The following UGT1A6 variants were observed in gnomAD, a reference collection of about 807,000 sequenced individuals.
The protein encoded by UGT1A6 is UDP glucuronosyltransferase family 1 member A6.
A neutral mutation model predicts 44.4 loss-of-function variants in UGT1A6; 32 were observed. The observed-to-expected ratio is 0.72, with a 90% CI of 0.54 to 0.97. The LOEUF (loss-of-function observed/expected upper bound fraction) is 0.97. UGT1A6 is among the 50% of genes least tolerant of loss of function. UGT1A6 has a pLI of 0.00. For missense variants in UGT1A6, 685 were observed against 661.9 expected (o/e 1.03, Z -0.38); for synonymous variants, 238 against 248.5 (o/e 0.96, Z 0.40).
chr2:233,772,356 A>C lies in UGT1A6; in HGVS notation c.1396A>C (p.Arg466=), dbSNP rs1468738748. 6.2e-7 allele frequency: 1 copy of C among 1,614,222 alleles called. No homozygotes were observed. Among genetic ancestry groups the C allele is most frequent in the Non-Finnish European group, 8.5e-7 (1 of 1,180,034 alleles). The change falls in exon 5 of 5, where the codon AGG becomes CGG. Residue 466 remains arginine, a synonymous_variant. Transcript: ENST00000305139. ...LAVFWVEFVM[R]HKGAPHLRPA... is the part of the protein sequence containing the mutation. ...CGTGTTCTGGGTGGAGTTTGTGATGAGGCACAAGGGCGCGCCACACCTGCG... is the reference window on the plus strand; with the variant it reads ...CGTGTTCTGGGTGGAGTTTGTGATGCGGCACAAGGGCGCGCCACACCTGCG...
intron 1 of UGT1A6, chr2:233,718,041 G>A (rs2076623954): frequency 2.7e-6 from 1 of 376,114 alleles, no homozygotes; most frequent in African/African-American, 2.1e-5. Flanking sequence ...TGGTGAGCAG[G>A]AGCTCCCTGA....
intron 1 of UGT1A6, among the ~76,000 whole-genome samples, chr2:233,736,928 C>T (rs1427688264): frequency 1.3e-5 from 2 of 152,158 alleles, no homozygotes; most frequent in African/African-American, 4.8e-5. Context: ...CAGAGGCGCA[C>T]CCACCTATAT....
chr2:233,693,272 C>T lies in UGT1A6; in HGVS notation c.268C>T (p.Arg90Cys), dbSNP rs770139285. ...GTATGACCAAGAAGAGCTGAAGAAC[C>T]GTTACCAATCATTTGGAAACAATCA... ...VPYDQEELKN[R>C]YQSFGNNHFA... Residue 90 changes from arginine (R) to cysteine (C), a missense_variant, in exon 1 of 5, where the codon CGT (arginine) becomes TGT (cysteine). By Grantham distance (180) the Arg-to-Cys change is radical. Transcript: ENST00000305139. The T allele has an allele frequency of 1.1e-4, 170 of 1,614,052 alleles. No individual in the cohort carries two copies. The South Asian group carries it at 1.7e-3, about 16-fold the overall frequency.
At chr2:233,729,397 C>T (rs762751427) in intron 1 of UGT1A6, 64 of 1,613,538 alleles carry the variant, frequency 4.0e-5, no homozygotes, top group Non-Finnish European at 4.6e-5. Flanking sequence ...TGAATTTGAT[C>T]GCCATGTGCT....
chr2:233,713,311 T>G, intron 1 of UGT1A6: 1 of 1,614,252 alleles, frequency 6.2e-7, no homozygotes, highest in East Asian at 2.2e-5. Flanking sequence ...GAACATCTTC[T>G]GATGAAATTT....
intron 1 of UGT1A6, chr2:233,743,985 A>C (rs1333314866): frequency 3.1e-6 from 4 of 1,283,108 alleles, no homozygotes; most frequent in Non-Finnish European, 4.1e-6. Flanking sequence ...ACCCAGGCGC[A>C]GGCCCGAGTG....
In UGT1A6 at chr2:233,764,214, G is replaced by A. The variant is rs17864706; in HGVS notation, c.862-2820G>A. On this transcript the variant is annotated intron_variant, in intron 1 of 4. Transcript: ENST00000305139. ...GGGGCATCTCATCTTTTCTTTGAAG[G>A]GAATCAATGGTGGGGGATTGGAGTG... 2.6e-3 allele frequency among the ~76,000 whole-genome samples: 394 copies of A among 152,268 alleles called. 1 individual carries two copies. Among genetic ancestry groups the A allele is most frequent in the Non-Finnish European group, 3.9e-3 (266 of 68,024 alleles).
Position 233,693,528 on chromosome 2 carries a change from C to T in UGT1A6, c.524C>T (p.Pro175Leu), listed in dbSNP as rs116011063. The T allele has an allele frequency of 2.2e-5, 36 of 1,614,040 alleles. No individual in the cohort carries two copies. Among genetic ancestry groups the T allele is most frequent in the Non-Finnish European group, 2.7e-5 (32 of 1,180,032 alleles). ...TCTGTGTACCTCTTCAGGGGTTTTC[C>T]GTGTTCCCTGGAGCATACATTCAGC... ...LPSVYLFRGF[P>L]CSLEHTFSRS... The change falls in exon 1 of 5, where the codon CCG (proline) becomes CTG (leucine). Residue 175 changes from proline (P) to leucine (L), a missense_variant. Pro to Leu is a moderately conservative substitution (Grantham distance 98). Transcript: ENST00000305139.
At chr2:233,709,289 A>G (rs2076069950) in intron 1 of UGT1A6, among the ~76,000 whole-genome samples, 1 of 152,138 alleles carries the variant, frequency 6.6e-6, no homozygotes, top group African/African-American at 2.4e-5. Context: ...CCCTTCAATT[A>G]ATGATATTTT....
chr2:233,697,502 CTT>C (rs1212901051), intron 1 of UGT1A6, among the ~76,000 whole-genome samples: 2 of 142,302 alleles, frequency 1.4e-5, no homozygotes, highest in Non-Finnish European at 3.1e-5. Flanking sequence ...TTTTGTTTAT[CTT>C]TTTTTTTTTT....
intron 1 of UGT1A6, among the ~76,000 whole-genome samples, chr2:233,700,363 T>G (rs1575468060): frequency 6.6e-6 from 1 of 152,184 alleles, no homozygotes; most frequent in East Asian, 1.9e-4. Context: ...TTATGGCTGA[T>G]TATCTGGGGC....
chr2:233,732,649 T>A (rs1277173996), intron 1 of UGT1A6, among the ~76,000 whole-genome samples: 1 of 152,232 alleles, frequency 6.6e-6, no homozygotes, highest in Admixed American at 6.5e-5. Context: ...ACCACTGTTC[T>A]GCTCCATTGG....
intron 1 of UGT1A6, among the ~76,000 whole-genome samples, chr2:233,765,265 C>G (rs1223500650): frequency 6.6e-6 from 1 of 152,098 alleles, no homozygotes; most frequent in Non-Finnish European, 1.5e-5. Context: ...GGTATATACC[C>G]AAAGAAATAT....
In UGT1A6 at chr2:233,723,536, T is replaced by TTTTA. The variant is rs1553611580; in HGVS notation, c.861+29671_861+29672insTTTA. The stretch of plus-strand genomic sequence containing the variant: ...ACAATCTTTTTTTTTTTTTTTTTTT[T>TTTTA]AATTTATTTTTTTATTGATAATTCT... On this transcript the variant is annotated intron_variant, in intron 1 of 4. Transcript: ENST00000305139. 3.3e-5 allele frequency among the ~76,000 whole-genome samples: 4 copies of TTTTA among 121,446 alleles called. 1 individual carries two copies. Among genetic ancestry groups the TTTTA allele is most frequent in the Admixed American group, 1.7e-4 (2 of 11,926 alleles). 79.7% of individuals were successfully genotyped at this position (121,446 alleles called of 152,430 possible). A position where few individuals can be genotyped will look rare whatever the true frequency, so the allele number is the denominator to read the frequency against.
At chr2:233,735,728 T>G (rs1486359906) in intron 1 of UGT1A6, among the ~76,000 whole-genome samples, 42 of 152,184 alleles carry the variant, frequency 2.8e-4, no homozygotes, top group Admixed American at 2.7e-3. Context: ...CTCTCAGCAT[T>G]TGCTTGTCTA....
rs1699778109 is a variant in UGT1A6 at position 233,769,042 on chromosome 2, T to C, written c.1301+603T>C. Reference sequence around the variant, plus strand: ...AAAAGTTGCCATAATAGACATCTGATCCATAAGTTTCCTGCACAGAAAGAA... The same window carrying C: ...AAAAGTTGCCATAATAGACATCTGACCCATAAGTTTCCTGCACAGAAAGAA... On this transcript the variant is annotated intron_variant, in intron 4 of 4. Transcript: ENST00000305139. This position sits in a 1 kb window ranked among gnomAD's most constrained non-coding sequence, Gnocchi z 4.4. 1.3e-5 allele frequency among the ~76,000 whole-genome samples: 2 copies of C among 152,190 alleles called. No individual in the cohort carries two copies. The highest frequency in any genetic ancestry group is 2.9e-5 in the Non-Finnish European group (2 of 68,040).
intron 1 of UGT1A6, among the ~76,000 whole-genome samples, chr2:233,695,289 C>A (rs1480722237): frequency 6.6e-6 from 1 of 151,960 alleles, no homozygotes; most frequent in Non-Finnish European, 1.5e-5. Context: ...CCATTCCCAG[C>A]TAATTTTTGC....
At chr2:233,717,513 G>C (rs867962435) in intron 1 of UGT1A6, among the ~76,000 whole-genome samples, 30 of 152,358 alleles carry the variant, frequency 2.0e-4, no homozygotes, top group Non-Finnish European at 3.5e-4. Context: ...TCTAATGGGA[G>C]TAACTTCCTC....
At chr2:233,742,595 T>C (rs1692031315) in intron 1 of UGT1A6, among the ~76,000 whole-genome samples, 1 of 151,868 alleles carries the variant, frequency 6.6e-6, no homozygotes, top group African/African-American at 2.4e-5. Flanking sequence ...CCCAGCAACC[T>C]ACCATAGTTG....
Sources: allele counts gnomAD v4.1 joint callset (sites outside exome capture counted in the v4.1 genomes callset), GRCh38; gene constraint gnomAD v4.1.1; non-coding constraint Gnocchi (gnomAD v3.1); transcripts MANE v1.5; gene names NCBI Gene and HGNC (gene_info 2026-07-23, HGNC 2026-07-21).